The following FHOD3 variants were observed in gnomAD, a reference collection of about 807,000 sequenced individuals.
FHOD3 encodes the protein FH1/FH2 domain-containing protein 3.
FHOD3 carries 90 observed loss-of-function variants against 173.0 expected under a neutral mutation model. The ratio of observed to expected loss-of-function variants is 0.52; its 90% CI spans 0.44 to 0.62. The LOEUF is 0.62. Ranked by LOEUF, FHOD3 falls within the 20% of genes least tolerant of loss-of-function variation. FHOD3 has a pLI of 0.00. For missense variants in FHOD3, 1,945 were observed against 2,034.7 expected, an observed-to-expected ratio of 0.96 and a Z score of 0.85; for synonymous variants, 828 against 823.0, an observed-to-expected ratio of 1.01 and a Z score of -0.10.
At chr18:36,504,050 A>T (rs2055173070) in intron 4 of FHOD3, among the ~76,000 whole-genome samples, 1 of 152,032 alleles carries the variant, frequency 6.6e-6, no homozygotes, top group Admixed American at 6.5e-5. Flanking sequence ...CCAGCCTCCT[A>T]ATTGAGATTA....
At chr18:36,480,480 C>G (rs1250235670) in intron 3 of FHOD3, among the ~76,000 whole-genome samples, 1 of 152,200 alleles carries the variant, frequency 6.6e-6, no homozygotes. Context: ...TAGGAACATG[C>G]AGCACGAGGC....
intron 3 of FHOD3, among the ~76,000 whole-genome samples, chr18:36,496,434 C>T (rs1326751727): frequency 6.6e-6 from 1 of 152,172 alleles, no homozygotes; most frequent in Admixed American, 6.5e-5. Context: ...CTTCCTAAGC[C>T]TCTAGGTAGA....
rs191089004 is a variant in FHOD3, at chr18:36,574,672, A to G, written c.512-1779A>G. The stretch of plus-strand genomic sequence containing the variant: ...AATTTTACTTGCAAATTATGACAAT[A>G]TGTATTTCCAACAATTTTGTATCTT... On this transcript the variant is annotated intron_variant, in intron 5 of 28. Transcript: ENST00000590592. Among the ~76,000 whole-genome samples the G allele has an allele frequency of 4.9e-4, 74 of 152,272 alleles. 1 individual carries two copies. Among genetic ancestry groups the G allele is most frequent in the Admixed American group, 1.9e-3 (29 of 15,304 alleles).
At chr18:36,777,088 T>G (rs2043715890) in intron 28 of FHOD3, among the ~76,000 whole-genome samples, 1 of 152,134 alleles carries the variant, frequency 6.6e-6, no homozygotes, top group Non-Finnish European at 1.5e-5. Context: ...AGCCACAATA[T>G]ATACCTAAAT....
intron 21 of FHOD3, among the ~76,000 whole-genome samples, chr18:36,741,794 G>T (rs11660290): frequency 0.36 from 54,646 of 151,478 alleles, 10,108 homozygotes; most frequent in African/African-American, 0.46. Context: ...AGCCAAGTGG[G>T]GAGGCTGTGT....
chr18:36,661,144 G>T (rs866476566), intron 14 of FHOD3, among the ~76,000 whole-genome samples: 1 of 151,768 alleles, frequency 6.6e-6, no homozygotes, highest in Admixed American at 6.6e-5. Flanking sequence ...GAAATAAGAG[G>T]ATCTTCTAAC....
intron 5 of FHOD3, among the ~76,000 whole-genome samples, chr18:36,570,927 A>T (rs1378493815): frequency 6.6e-6 from 1 of 152,172 alleles, no homozygotes; most frequent in Non-Finnish European, 1.5e-5. Context: ...ATAGTAAAGG[A>T]TTATTAATGC....
chr18:36,471,917 A>G (rs2053308584), intron 3 of FHOD3, among the ~76,000 whole-genome samples: 1 of 152,216 alleles, frequency 6.6e-6, no homozygotes, highest in Non-Finnish European at 1.5e-5. Flanking sequence ...GCAATGACAA[A>G]ATACCTGTGA....
intron 1 of FHOD3, among the ~76,000 whole-genome samples, chr18:36,337,415 A>G (rs1364916677): frequency 6.6e-6 from 1 of 152,186 alleles, no homozygotes; most frequent in Admixed American, 6.5e-5. Flanking sequence ...TTCCTCTCCA[A>G]ACCTTTCTCA....
chr18:36,580,902 A>G (rs1348053433), intron 6 of FHOD3, among the ~76,000 whole-genome samples: 1 of 152,246 alleles, frequency 6.6e-6, no homozygotes, highest in East Asian at 1.9e-4. Context: ...TTACCTTGAC[A>G]TCCAGTTGCC....
intron 2 of FHOD3, among the ~76,000 whole-genome samples, chr18:36,372,060 G>T (rs1380757479): frequency 6.6e-6 from 1 of 152,216 alleles, no homozygotes; most frequent in Non-Finnish European, 1.5e-5. Context: ...ACCTGGGGAG[G>T]TCTGCCCTTT....
chr18:36,355,607 G>A lies in FHOD3; in HGVS notation c.234G>A (p.Glu78=). 6.2e-7 allele frequency: 1 copy of A among 1,614,178 alleles called. No homozygotes were observed. The highest frequency in any genetic ancestry group is 1.1e-5 in the South Asian group (1 of 91,084). Residue 78 remains glutamate (E), a synonymous_variant, in exon 2 of 29, where the codon GAG becomes GAA. Transcript: ENST00000590592. ...AYLDLEATLA[E]QRDELEGFQD... ...TGGATTTGGAGGCCACCCTGGCAGA[G>A]CAGCGGGATGAGTTGGAAGGCTTCC...
At chr18:36,542,416 G>A (rs2057260402) in intron 5 of FHOD3, among the ~76,000 whole-genome samples, 1 of 152,082 alleles carries the variant, frequency 6.6e-6, no homozygotes, top group South Asian at 2.1e-4. Context: ...AAAAACAGTA[G>A]ATGGCCTTTT....
intron 1 of FHOD3, among the ~76,000 whole-genome samples, chr18:36,326,981 C>T (rs978854856): frequency 6.6e-6 from 1 of 152,164 alleles, no homozygotes; most frequent in Non-Finnish European, 1.5e-5. Flanking sequence ...TTTGCCCTTG[C>T]TGGGACCGGT....
chr18:36,374,943 C>G (rs537114039), intron 3 of FHOD3, among the ~76,000 whole-genome samples: 190 of 152,230 alleles, frequency 1.2e-3, no homozygotes, highest in African/African-American at 4.5e-3. Context: ...AGGATTTGGC[C>G]GTATAAACTA....
chr18:36,621,696 A>T (rs2033723611), intron 9 of FHOD3, among the ~76,000 whole-genome samples: 1 of 152,222 alleles, frequency 6.6e-6, no homozygotes, highest in African/African-American at 2.4e-5. Context: ...TTGAGCTTTC[A>T]TGGGTGATGA....
intron 3 of FHOD3, among the ~76,000 whole-genome samples, chr18:36,489,243 T>A (rs1404640949): frequency 6.5e-5 from 2 of 30,996 alleles, no homozygotes; most frequent in Admixed American, 5.0e-4. Context: ...AGAATGGGTT[T>A]GTTTGTTTGT....
At chr18:36,394,642 G>A (rs538244072) in intron 3 of FHOD3, among the ~76,000 whole-genome samples, 1 of 152,290 alleles carries the variant, frequency 6.6e-6, no homozygotes, top group Middle Eastern at 3.4e-3. Context: ...ATCATCACGG[G>A]TGTTCTCTTT....
chr18:36,476,652 T>C lies in FHOD3; in HGVS notation c.338-25280T>C, dbSNP rs187286086. ...CTCACGATCAAAGGCAGTAATTTCA[T>C]GTCGATTAGCTACTTCAAAGCAAGT... On this transcript the variant is annotated intron_variant, in intron 3 of 28. Coordinates refer to ENST00000590592, the MANE Select transcript of FHOD3 (RefSeq NM_001281740.3). 1.1e-3 allele frequency among the ~76,000 whole-genome samples: 171 copies of C among 152,344 alleles called. 1 individual carries two copies. Among genetic ancestry groups the C allele is most frequent in the African/African-American group, 4.0e-3 (166 of 41,578 alleles).
Sources: allele counts gnomAD v4.1 joint callset (sites outside exome capture counted in the v4.1 genomes callset), GRCh38; gene constraint gnomAD v4.1.1; transcripts MANE v1.5; gene names NCBI Gene and HGNC (gene_info 2026-07-23, HGNC 2026-07-21).